Variants in FBXL2 observed in about 807,000 individuals in gnomAD.
The protein encoded by FBXL2 is F-box/LRR-repeat protein 2.
In FBXL2, 38 loss-of-function variants were observed where a neutral mutation model predicts 69.2. The ratio of observed to expected loss-of-function variants is 0.55; its 90% CI spans 0.42 to 0.72. The LOEUF is 0.72. Among genes scored for constraint, FBXL2 ranks in the 30% least tolerant of loss-of-function variants. FBXL2 has a pLI of 0.00. For synonymous variants in FBXL2, 192 were observed against 201.3 expected, an observed-to-expected ratio of 0.95 and a Z score of 0.39; for missense variants, 354 against 520.3, an observed-to-expected ratio of 0.68 and a Z score of 3.11.
intron 12 of FBXL2, chr3:33,393,548 T>G: frequency 8.3e-7 from 1 of 1,211,340 alleles, no homozygotes; most frequent in Non-Finnish European, 1.1e-6. Context: ...GGTCACACCT[T>G]TCAAAGTACC....
intron 2 of FBXL2, among the ~76,000 whole-genome samples, chr3:33,344,318 A>G (rs2040280344): frequency 6.6e-6 from 1 of 152,168 alleles, no homozygotes; most frequent in Admixed American, 6.5e-5. Context: ...ATAATTTAAC[A>G]AATTGATTTT....
At chr3:33,400,366 T>C in intron 12 of FBXL2, 1 of 1,128,352 alleles carries the variant, frequency 8.9e-7, no homozygotes. Flanking sequence ...CCTCGGAGTC[T>C]GAAGTAAAAA....
At chr3:33,342,711 CTTTTTTTTTTTT>C (rs71070130) in intron 2 of FBXL2, among the ~76,000 whole-genome samples, 38 of 37,922 alleles carry the variant, frequency 1.0e-3, no homozygotes, top group Admixed American at 3.3e-3. Context: ...AATATAACTT[CTTTTTTTTTTTT>C]TTTTTTTTTT....
At chr3:33,361,108 T>G (rs1470506102) in intron 4 of FBXL2, among the ~76,000 whole-genome samples, 1 of 147,764 alleles carries the variant, frequency 6.8e-6, no homozygotes, top group East Asian at 2.0e-4. Flanking sequence ...ATTTTTTTTT[T>G]TTTTTTTTTT....
chr3:33,333,937 A>G (rs1037456561), intron 2 of FBXL2, among the ~76,000 whole-genome samples: 3 of 152,096 alleles, frequency 2.0e-5, no homozygotes, highest in Admixed American at 6.6e-5. Flanking sequence ...TTTTTTTAAT[A>G]TAGTGGCTCA....
intron 10 of FBXL2, 82 bp from the exon 11 acceptor site, chr3:33,377,191 C>G: frequency 1.5e-6 from 2 of 1,321,034 alleles, no homozygotes; most frequent in South Asian, 1.2e-5. Flanking sequence ...GCAGAAAAGA[C>G]TCAAGTATGC....
the FBXL2 span, chr3:33,409,247 T>C: frequency 6.8e-5 from 110 of 1,613,768 alleles, no homozygotes; most frequent in Admixed American, 4.2e-4. Context: ...TCTGTGAGGA[T>C]TGTGGTATCA....
chr3:33,286,648 G>A (rs992057551), intron 1 of FBXL2, among the ~76,000 whole-genome samples: 18 of 152,364 alleles, frequency 1.2e-4, no homozygotes, highest in Admixed American at 5.9e-4. Flanking sequence ...GGAGTCTACA[G>A]AGGCGGGCAG....
the FBXL2 span, among the ~76,000 whole-genome samples, chr3:33,415,567 T>C: frequency 3.9e-5 from 6 of 152,182 alleles, no homozygotes; most frequent in Non-Finnish European, 1.5e-5. Context: ...TGTGGATTCA[T>C]TGTACCATTC....
chr3:33,316,747 C>G (rs2037732718), intron 2 of FBXL2, among the ~76,000 whole-genome samples: 1 of 152,032 alleles, frequency 6.6e-6, no homozygotes, highest in African/African-American at 2.4e-5. Context: ...ATCACTTAGG[C>G]TTTTTTCAGC....
chr3:33,347,635 C>T (rs918625024), intron 2 of FBXL2, among the ~76,000 whole-genome samples: 3 of 152,182 alleles, frequency 2.0e-5, no homozygotes, highest in Non-Finnish European at 2.9e-5. Flanking sequence ...TACTTTCCCA[C>T]CAACAGTGTG....
chr3:33,404,134 C>T (rs1275502608), downstream of FBXL2, among the ~76,000 whole-genome samples: 1 of 152,050 alleles, frequency 6.6e-6, no homozygotes, highest in African/African-American at 2.4e-5. Flanking sequence ...ATAATGAGGC[C>T]GGGCGCGGTG....
intron 13 of FBXL2, among the ~76,000 whole-genome samples, chr3:33,379,337 A>C (rs1437292459): frequency 6.6e-6 from 1 of 151,928 alleles, no homozygotes; most frequent in Non-Finnish European, 1.5e-5. Context: ...CTGTTTTAGG[A>C]AATAAGACAG....
At chr3:33,362,093 T>G (rs2041664943) in intron 4 of FBXL2, among the ~76,000 whole-genome samples, 1 of 152,158 alleles carries the variant, frequency 6.6e-6, no homozygotes, top group African/African-American at 2.4e-5. Context: ...AGACTGTAGG[T>G]ATCTTGAACG....
At chr3:33,379,835 C>T (rs924800087) in intron 13 of FBXL2, among the ~76,000 whole-genome samples, 3 of 152,134 alleles carry the variant, frequency 2.0e-5, no homozygotes, top group Non-Finnish European at 4.4e-5. Context: ...TCCAGAGACA[C>T]AAGTGTAGTT....
At chr3:33,351,663 C>T (rs1056622159) in intron 2 of FBXL2, among the ~76,000 whole-genome samples, 8 of 152,108 alleles carry the variant, frequency 5.3e-5, no homozygotes, top group African/African-American at 1.9e-4. Flanking sequence ...TTGTGAGCAA[C>T]AGGAGCAACA....
In FBXL2 at chr3:33,373,161, G is replaced by C; in HGVS notation, c.359+1G>C. On this transcript the variant is annotated splice_donor_variant, in intron 6 of 14. Transcript: ENST00000484457. LOFTEE classifies it high-confidence loss of function. ...ATGGATGCACAAAAATCACTGACAG[G>C]TAAGTAATGAAGATTAATTGGTGAC... 1 of 1,613,934 alleles carries C rather than the reference G, an allele frequency of 6.2e-7. No individual in the cohort carries two copies. The highest frequency in any genetic ancestry group is 8.5e-7 in the Non-Finnish European group (1 of 1,179,760).
chr3:33,367,004 A>AT (rs2041995185), intron 5 of FBXL2, among the ~76,000 whole-genome samples: 1 of 152,170 alleles, frequency 6.6e-6, no homozygotes, highest in Non-Finnish European at 1.5e-5. Context: ...TACAATTTGT[A>AT]TTTTTTAAAA....
chr3:33,390,387 C>T (rs748665509), downstream of FBXL2: 112 of 1,567,902 alleles, frequency 7.1e-5, 1 homozygote, highest in East Asian at 2.5e-3. Context: ...AAAGGAAAGA[C>T]AGTATTTCTT....
Sources: allele counts gnomAD v4.1 joint callset (sites outside exome capture counted in the v4.1 genomes callset), GRCh38; gene constraint gnomAD v4.1.1; transcripts MANE v1.5; gene names NCBI Gene and HGNC (gene_info 2026-07-23, HGNC 2026-07-21).